The following LAMA5 variants were observed in gnomAD, a reference collection of about 807,000 sequenced individuals.
LAMA5 encodes the protein laminin subunit alpha-5.
LAMA5 carries 260 observed loss-of-function variants against 433.4 expected under a neutral mutation model. The ratio of observed to expected loss-of-function variants is 0.60; its 90% CI spans 0.54 to 0.66. LAMA5 has a LOEUF of 0.66. Among genes scored for constraint, LAMA5 ranks in the 30% least tolerant of loss-of-function variants. The probability of loss-of-function intolerance (pLI) is 0.00; values close to 1 mark genes in which losing one functional copy is unlikely to be tolerated. For synonymous variants in LAMA5, 2,620 were observed against 2,226.6 expected (o/e 1.18, Z -4.97); for missense variants, 5,378 against 5,258.5 (o/e 1.02, Z -0.70).
Position 62,320,504 on chromosome 20 carries a change from G to A in LAMA5, c.6759+55C>T, listed in dbSNP as rs538174885. The A allele has an allele frequency of 1.6e-4, 222 of 1,355,108 alleles. No individual in the cohort carries two copies. In the African/African-American group the frequency reaches 2.2e-3, roughly 13 times the overall value. 83.9% of individuals were successfully genotyped at this position (1,355,108 alleles called of 1,614,324 possible). ...TCTGCTGAATGAGGACAAGCGAACC[G>A]CGGGGAACACAGGTGAAAGCCTCCC... On this transcript the variant is annotated intron_variant, in intron 50 of 79. Transcript: ENST00000252999.
chr20:62,318,193 G>A (rs1987212688), intron 53 of LAMA5, among the ~76,000 whole-genome samples: 1 of 13,680 alleles, frequency 7.3e-5, no homozygotes, highest in South Asian at 1.4e-3. Context: ...GGAGAGGACA[G>A]GAGAAGAGGA....
rs1468945651 is a variant in LAMA5, at chr20:62,313,693, C to G, written c.8614G>C (p.Asp2872His). ...GAEGLLNLRP[D>H]DFVFYVGGYP... ...CCCCCGACGTAGAAGACGAAGTCGT[C>G]TGGCCGCAGGTTGAGCAGCCCCTCT... The change falls in exon 63 of 80, where the codon GAC (aspartate) becomes CAC (histidine). Residue 2872 changes from aspartate (D) to histidine (H), a missense_variant. Physicochemically the swap from Asp to His is moderately conservative, Grantham distance 81. Transcript: ENST00000252999. 19 of 1,612,756 alleles carry G rather than the reference C, an allele frequency of 1.2e-5. No individual in the cohort carries two copies. The highest frequency in any genetic ancestry group is 1.6e-4 in the Middle Eastern group (1 of 6,078).
intron 34 of LAMA5, 46 bp from the exon 35 acceptor site, chr20:62,328,491 C>T: frequency 6.9e-7 from 1 of 1,446,674 alleles, no homozygotes; most frequent in Non-Finnish European, 9.1e-7. Context: ...CCCAGTCCCG[C>T]CCCTCTCAGA....
Position 62,334,194 on chromosome 20 carries a change from G to A in LAMA5, c.2731C>T (p.Pro911Ser). 6.2e-7 allele frequency: 1 copy of A among 1,612,632 alleles called. No homozygotes were observed. Among genetic ancestry groups the A allele is most frequent in the Non-Finnish European group, 8.5e-7 (1 of 1,179,742 alleles). ...FSWRGYAQMAPVQPRIVARLN... is the reference protein window; with the variant it reads ...FSWRGYAQMASVQPRIVARLN... ...GGGAGCACAGCGCCCACCTGGACAG[G>A]TGCCATCTGCGCGTAGCCCCTCCAG... Residue 911 changes from proline to serine, a missense_variant, in exon 22 of 80, where the codon CCT (proline) becomes TCT (serine). Transcript: ENST00000252999.
Position 62,327,893 on chromosome 20 carries a change from G to T in LAMA5, c.4770C>A (p.Asp1590Glu), listed in dbSNP as rs1371240350. 1.9e-6 allele frequency: 3 copies of T among 1,611,238 alleles called. No homozygotes were observed. Among genetic ancestry groups the T allele is most frequent in the Non-Finnish European group, 2.5e-6 (3 of 1,179,550 alleles). ...HEAGTAPGVC[D>E]PLTGQCYCKE... ...TACAGTAGCACTGCCCTGTGAGGGGGTCACACACGCCAGGCGCAGTGCCCG... is the reference window on the plus strand; with the variant it reads ...TACAGTAGCACTGCCCTGTGAGGGGTTCACACACGCCAGGCGCAGTGCCCG... Residue 1590 changes from aspartate to glutamate, a missense_variant, in exon 36 of 80, where the codon GAC (aspartate) becomes GAA (glutamate). Physicochemically the swap from Asp to Glu is conservative, Grantham distance 45 (BLOSUM62 2). Transcript: ENST00000252999.
Position 62,310,650 on chromosome 20 carries a change from C to T in LAMA5, c.10446+15G>A. The T allele has an allele frequency of 6.3e-7, 1 of 1,598,878 alleles. No homozygotes were observed. The highest frequency in any genetic ancestry group is 8.5e-7 in the Non-Finnish European group (1 of 1,177,030). On this transcript the variant is annotated intron_variant, in intron 75 of 79. Transcript: ENST00000252999. ...AGTGGGTGGGGAGTGGGGGCTGGGG[C>T]AAGATGGTTCTCACCGGAAGTTTGG... is the stretch of plus-strand genomic sequence containing the variant.
At chr20:62,356,629 C>T (rs896174910) in intron 2 of LAMA5, 6 of 151,914 alleles carry the variant, frequency 3.9e-5, no homozygotes, top group African/African-American at 1.5e-4. Context: ...GAGGCCTCTG[C>T]CCGGTGACCA....
intron 38 of LAMA5, 58 bp from the exon 39 acceptor site, chr20:62,327,024 C>T (rs578015077): frequency 1.6e-5 from 21 of 1,325,142 alleles, no homozygotes; most frequent in South Asian, 1.5e-4. Context: ...GCTCAGAGCC[C>T]GTCAGCAGTG....
intron 6 of LAMA5, 107 bp downstream of exon 6, chr20:62,351,597 C>T (rs1984294120): frequency 2.9e-6 from 3 of 1,022,332 alleles, no homozygotes; most frequent in Non-Finnish European, 4.4e-6. Context: ...TTGTGGTGGG[C>T]CATGGAACCA....
intron 46 of LAMA5, 91 bp downstream of exon 46, chr20:62,322,567 G>GC: frequency 2.8e-6 from 4 of 1,404,220 alleles, no homozygotes; most frequent in Non-Finnish European, 3.9e-6. Flanking sequence ...ATCAAACACT[G>GC]CCCCTCAGCC....
At position 62,335,279 on chromosome 20, in the gene LAMA5, G is replaced by T. The variant is rs1295313531; in HGVS notation, c.2324-10C>A. ...AGGTCGCAGCTGCAGCCTGGGGAGA[G>T]CAGGGCAGGACTCAGATGCTTGGTG... On this transcript the variant is annotated splice_polypyrimidine_tract_variant and intron_variant, in intron 18 of 79. Coordinates refer to ENST00000252999, the MANE Select transcript of LAMA5 (RefSeq NM_005560.6). 1 of 1,611,748 alleles carries T rather than the reference G, an allele frequency of 6.2e-7. No homozygotes were observed. Among genetic ancestry groups the T allele is most frequent in the Non-Finnish European group, 8.5e-7 (1 of 1,179,418 alleles).
At chr20:62,323,744 G>C in intron 44 of LAMA5, 32 bp downstream of exon 44, 1 of 1,601,192 alleles carries the variant, frequency 6.2e-7, no homozygotes. Context: ...TCAGCACTCA[G>C]GCCCTGCCCC....
chr20:62,312,818 C>A (rs771279674), intron 66 of LAMA5, 38 bp from the exon 67 acceptor site: 74 of 1,600,640 alleles, frequency 4.6e-5, no homozygotes, highest in African/African-American at 6.7e-5. Context: ...CAGCTGTGTC[C>A]CTGCGGCCTG....
intron 45 of LAMA5, among the ~76,000 whole-genome samples, chr20:62,323,083 G>A (rs1159326208): frequency 1.5e-5 from 2 of 137,840 alleles, no homozygotes; most frequent in Non-Finnish European, 3.2e-5. Context: ...GAGGTGGGGG[G>A]GGCGCTGGTC....
At position 62,346,123 on chromosome 20, in the gene LAMA5, C is replaced by T; in HGVS notation, c.1375G>A (p.Asp459Asn). 6.2e-7 allele frequency: 1 copy of T among 1,613,070 alleles called. No homozygotes were observed. The highest frequency in any genetic ancestry group is 1.7e-5 in the Admixed American group (1 of 60,022). Residue 459 changes from aspartate to asparagine, a missense_variant, in exon 10 of 80, where the codon GAC (aspartate) becomes AAC (asparagine). Physicochemically the swap from Asp to Asn is conservative, Grantham distance 23. Transcript: ENST00000252999. ...CCCGTGAAGCCCTCGGCACACACGT[C>T]ACACCGCTCCCCAGAGAAGTTGGGC... Reference protein sequence around the residue: ...CRPNFSGERCDVCAEGFTGFP... With the variant: ...CRPNFSGERCNVCAEGFTGFP...
Position 62,313,312 on chromosome 20 carries a change from G to A in LAMA5, c.8792+15C>T. On this transcript the variant is annotated intron_variant, in intron 64 of 79. Transcript: ENST00000252999. ...GGTGGGGTGGGTGGAGACGGGGAGGGCAGGCCACACGCACCGGGCACAAGG... is the reference window on the plus strand; with the variant it reads ...GGTGGGGTGGGTGGAGACGGGGAGGACAGGCCACACGCACCGGGCACAAGG... The A allele has an allele frequency of 1.3e-6, 2 of 1,543,766 alleles. No individual in the cohort carries two copies. The highest frequency in any genetic ancestry group is 2.0e-5 in the Admixed American group (1 of 50,534).
Position 62,343,868 on chromosome 20 carries a change from G to A in LAMA5, c.1477+1950C>T, listed in dbSNP as rs143035646. ...CTAAAAATGACACAATATCGTGCCA[G>A]GCATGGTGGTTCATGCCTGTAATCC... On this transcript the variant is annotated intron_variant, in intron 11 of 79. Coordinates refer to ENST00000252999, the MANE Select transcript of LAMA5 (RefSeq NM_005560.6). Among the ~76,000 whole-genome samples the A allele has an allele frequency of 2.5e-3, 380 of 150,566 alleles. 1 individual carries two copies. Among genetic ancestry groups the A allele is most frequent in the African/African-American group, 8.5e-3 (348 of 41,160 alleles).
chr20:62,343,100 C>T (rs1333404865), intron 11 of LAMA5, among the ~76,000 whole-genome samples: 2 of 152,188 alleles, frequency 1.3e-5, no homozygotes, highest in Non-Finnish European at 2.9e-5. Context: ...ACGCCGCCAA[C>T]CCCACTCATG....
In LAMA5 at chr20:62,311,675, G is replaced by T. The variant is rs1263114230; in HGVS notation, c.9745C>A (p.Leu3249Met). 8 of 1,592,072 alleles carry T rather than the reference G, an allele frequency of 5.0e-6. No individual in the cohort carries two copies. The East Asian group carries it at 1.8e-4, about 36-fold the overall frequency. The change falls in exon 71 of 80, where the codon CTG becomes ATG. Residue 3249 changes from leucine to methionine, a missense_variant. By Grantham distance (15) the Leu-to-Met change is conservative. Coordinates refer to ENST00000252999, the MANE Select transcript of LAMA5 (RefSeq NM_005560.6). ...TTGTAAATGGTGCCAGACTCAGGCA[G>T]GCCTCCCAGGAGGAGCCTCGGGGGC... is the stretch of plus-strand genomic sequence containing the variant. Reference protein sequence around the residue: ...EGPPRLLLGGLPESGTIYNFS... With the variant: ...EGPPRLLLGGMPESGTIYNFS...
Sources: allele counts gnomAD v4.1 joint callset (sites outside exome capture counted in the v4.1 genomes callset), GRCh38; gene constraint gnomAD v4.1.1; transcripts MANE v1.5; gene names NCBI Gene and HGNC (gene_info 2026-07-23, HGNC 2026-07-21).